Variants in IL17RD observed in about 807,000 individuals in gnomAD.
IL17RD encodes the protein interleukin-17 receptor D.
Under a neutral mutation model 80.5 loss-of-function variants are expected in IL17RD, and 52 were observed. The observed-to-expected ratio is 0.65, with a 90% CI of 0.52 to 0.81. The LOEUF is 0.81. Among genes scored for constraint, IL17RD ranks in the 40% least tolerant of loss-of-function variants. The pLI, the probability that IL17RD is intolerant of heterozygous loss-of-function variation, is 0.00. For synonymous variants in IL17RD, 416 were observed against 391.8 expected (o/e 1.06, Z -0.73); for missense variants, 1,024 against 955.1 (o/e 1.07, Z -0.95).
chr3:57,155,249 T>C (rs2060259820), intron 1 of IL17RD, among the ~76,000 whole-genome samples: 1 of 152,254 alleles, frequency 6.6e-6, no homozygotes, highest in Non-Finnish European at 1.5e-5. Flanking sequence ...TGAGATTTGT[T>C]CCGTTCACAT....
chr3:57,095,935 CAGAT>C lies in IL17RD; in HGVS notation c.*454_*457del, dbSNP rs1382955784. 1 of 159,648 alleles carries C rather than the reference CAGAT, an allele frequency of 6.3e-6. No homozygotes were observed. The highest frequency in any genetic ancestry group is 2.4e-5 in the African/African-American group (1 of 41,586). 9.9% of individuals were successfully genotyped at this position (159,648 alleles called of 1,614,324 possible). ...ATTATCTGCAATACAACATGGATTC[CAGAT>C]AGACTGGCACTTGATTTCTGTGGCT... is the stretch of plus-strand genomic sequence containing the variant. On this transcript the variant is annotated 3_prime_UTR_variant, in exon 13 of 13. Coordinates refer to ENST00000296318, the MANE Select transcript of IL17RD (RefSeq NM_017563.5).
At chr3:57,165,450 C>T (rs2060342689), upstream of IL17RD, 2 of 422,342 alleles carry the variant, frequency 4.7e-6, no homozygotes, top group African/African-American at 2.2e-5. Context: ...TCCTCGTGTG[C>T]TGGCCCCGCC....
intron 1 of IL17RD, among the ~76,000 whole-genome samples, chr3:57,154,264 A>G (rs904232575): frequency 1.9e-4 from 25 of 133,804 alleles, no homozygotes; most frequent in Non-Finnish European, 3.4e-4. Flanking sequence ...AAAAAATTAT[A>G]TATATATATA....
intron 9 of IL17RD, 24 bp from the exon 10 acceptor site, chr3:57,102,613 T>C (rs780832305): frequency 7.8e-7 from 1 of 1,288,582 alleles, no homozygotes; most frequent in Non-Finnish European, 1.1e-6. Flanking sequence ...AAGGGAAAGT[T>C]TTTAAACTTA....
Position 57,114,807 on chromosome 3 carries a change from G to A in IL17RD, c.195C>T (p.Thr65=), listed in dbSNP as rs1212550240. The change falls in exon 3 of 13, where the codon ACC becomes ACT. Residue 65 remains threonine, a synonymous_variant. Transcript: ENST00000296318. Reference sequence around the variant, plus strand: ...CATGCTTCCCCACTGGATTCAAGTAGGTGGTACAATCTAGAGAGTAGGGAG... The same window carrying A: ...CATGCTTCCCCACTGGATTCAAGTAAGTGGTACAATCTAGAGAGTAGGGAG... ...NITFKYDNCT[T]YLNPVGKHVI... is the part of the protein sequence containing the mutation. 6.2e-7 allele frequency: 1 copy of A among 1,602,726 alleles called. No individual in the cohort carries two copies. Among genetic ancestry groups the A allele is most frequent in the Non-Finnish European group, 8.5e-7 (1 of 1,175,596 alleles).
rs1213022754 is a variant in IL17RD at position 57,102,541 on chromosome 3, G to A, written c.917C>T (p.Pro306Leu). The A allele has an allele frequency of 1.9e-6, 3 of 1,580,482 alleles. No homozygotes were observed. The highest frequency in any genetic ancestry group is 1.1e-5 in the South Asian group (1 of 88,032). ...GPIRAVAITV[P>L]LVVISAFATL... ...CGCGAATGCCGATATGACTACCAGT[G>A]GCACTGTGATGGCCACGGCTCTGAT... The change falls in exon 10 of 13, where the codon CCA becomes CTA. Residue 306 changes from proline (P) to leucine (L), a missense_variant. Pro to Leu is a moderately conservative substitution (Grantham distance 98). Coordinates refer to ENST00000296318, the MANE Select transcript of IL17RD (RefSeq NM_017563.5).
At chr3:57,169,172 G>C, upstream of IL17RD, 4 of 496,248 alleles carry the variant, frequency 8.1e-6, no homozygotes, top group Non-Finnish European at 1.6e-5. Flanking sequence ...GAGCTCAGCT[G>C]TGGAGGTGAC....
At chr3:57,144,133 C>T (rs189717107) in intron 1 of IL17RD, among the ~76,000 whole-genome samples, 121 of 152,318 alleles carry the variant, frequency 7.9e-4, no homozygotes, top group African/African-American at 1.5e-3. Context: ...GTTTCAACCA[C>T]GGTCCCTTCC....
intron 1 of IL17RD, among the ~76,000 whole-genome samples, chr3:57,132,918 A>G (rs964502040): frequency 2.6e-5 from 4 of 152,208 alleles, no homozygotes; most frequent in Admixed American, 2.6e-4. Flanking sequence ...TTTGCAGAGT[A>G]TGGTATTTGC....
rs143942714 is a variant in IL17RD at position 57,129,671 on chromosome 3, A to G, written c.127-9358T>C. Among the ~76,000 whole-genome samples, 42 of 152,276 alleles carry G rather than the reference A, an allele frequency of 2.8e-4. 1 individual carries two copies. The East Asian group carries it at 8.1e-3, about 29-fold the overall frequency. ...ACATTTCCTTCAAGGTGGATTTCGCATATTTGGAAATTATGGAAGGCCATC... is the reference window on the plus strand; with the variant it reads ...ACATTTCCTTCAAGGTGGATTTCGCGTATTTGGAAATTATGGAAGGCCATC... On this transcript the variant is annotated intron_variant, in intron 1 of 12. Transcript: ENST00000296318.
chr3:57,109,388 G>A (rs1237039264), intron 5 of IL17RD, 149 bp downstream of exon 5: 4 of 691,464 alleles, frequency 5.8e-6, no homozygotes, highest in Admixed American at 2.9e-5. Flanking sequence ...CTTGTGATCT[G>A]CCTGCCTCGG....
In IL17RD at chr3:57,154,258, A is replaced by ATT. The variant is rs1285133496; in HGVS notation, c.126+10902_126+10903insAA. Among the ~76,000 whole-genome samples, 1,246 of 136,628 alleles carry ATT rather than the reference A, an allele frequency of 9.1e-3. 16 individuals carry two copies. The highest frequency in any genetic ancestry group is 0.034 in the African/African-American group (1,172 of 34,278). 89.6% of individuals were successfully genotyped at this position (136,628 alleles called of 152,430 possible). ...AGTGAGACCTTGTCTCAAAAAAAAA[A>ATT]ATTATATATATATATATATATATAT... On this transcript the variant is annotated intron_variant, in intron 1 of 12. Coordinates refer to ENST00000296318, the MANE Select transcript of IL17RD (RefSeq NM_017563.5).
Position 57,109,526 on chromosome 3 carries a change from G to C in IL17RD, c.550+11C>G, listed in dbSNP as rs765473409. On this transcript the variant is annotated intron_variant, in intron 5 of 12. Transcript: ENST00000296318. ...TTCTCATGGGAACCAGGCAGGAAAG[G>C]CCATACTCACCTCGGGTTCTAAAGA... 3 of 1,612,032 alleles carry C rather than the reference G, an allele frequency of 1.9e-6. No individual in the cohort carries two copies. The highest frequency in any genetic ancestry group is 2.7e-5 in the African/African-American group (2 of 74,760).
At chr3:57,121,876 C>T (rs1707346822) in intron 1 of IL17RD, among the ~76,000 whole-genome samples, 1 of 152,136 alleles carries the variant, frequency 6.6e-6, no homozygotes, top group Non-Finnish European at 1.5e-5. Context: ...CTCTTATAAG[C>T]CCCCAAGACA....
At chr3:57,096,541 T>C (rs1579251723) in intron 12 of IL17RD, 36 bp from the exon 13 acceptor site, 3 of 1,407,568 alleles carry the variant, frequency 2.1e-6, no homozygotes, top group African/African-American at 1.4e-5. Context: ...CACACTGTCA[T>C]TGCATTTCAC....
chr3:57,126,271 C>A (rs1040234354), intron 1 of IL17RD, among the ~76,000 whole-genome samples: 5 of 152,206 alleles, frequency 3.3e-5, no homozygotes, highest in Non-Finnish European at 7.3e-5. Context: ...AGCTAAGCAG[C>A]AAGCCCCGGC....
chr3:57,137,808 T>C (rs988196058), intron 1 of IL17RD, among the ~76,000 whole-genome samples: 4 of 152,196 alleles, frequency 2.6e-5, no homozygotes, highest in Admixed American at 6.5e-5. Context: ...CCTGTTGCTC[T>C]TACACACCTT....
At chr3:57,170,294 A>T (rs1404172073), upstream of IL17RD, 2 of 152,180 alleles carry the variant, frequency 1.3e-5, no homozygotes, top group African/African-American at 2.4e-5. Flanking sequence ...CCCGGAGGAA[A>T]AGAAGAGCGG....
At chr3:57,142,008 G>A (rs1487336201) in intron 1 of IL17RD, among the ~76,000 whole-genome samples, 2 of 151,928 alleles carry the variant, frequency 1.3e-5, no homozygotes, top group East Asian at 3.9e-4. Flanking sequence ...TTGCCTAAAC[G>A]CTCTTATAGC....
Sources: gnomAD v4.1 joint callset for allele counts (sites outside exome capture counted in the v4.1 genomes callset) on GRCh38, gnomAD v4.1.1 for gene constraint, MANE v1.5 for transcripts, NCBI Gene and HGNC (gene_info 2026-07-23, HGNC 2026-07-21) for gene names.